CORIN: variants seen among roughly 807,000 people sequenced by gnomAD.
CORIN encodes the protein corin, serine peptidase.
CORIN carries 117 observed loss-of-function variants against 125.3 expected under a neutral mutation model. The observed-to-expected ratio is 0.93, with a 90% CI of 0.80 to 1.09. The LOEUF is 1.09. CORIN is among the 50% of genes least tolerant of loss of function. The pLI is 0.00. For synonymous variants in CORIN, 450 were observed against 466.4 expected (o/e 0.96, Z 0.45); for missense variants, 1,253 against 1,306.7 (o/e 0.96, Z 0.63).
chr4:47,764,121 T>C (rs776758367), intron 3 of CORIN, among the ~76,000 whole-genome samples: 9 of 152,208 alleles, frequency 5.9e-5, no homozygotes, highest in Non-Finnish European at 7.3e-5. Flanking sequence ...TTAATTTAGG[T>C]ACATGAAAGA....
chr4:47,729,816 C>A lies in CORIN; in HGVS notation c.799+14586G>T, dbSNP rs542994059. On this transcript the variant is annotated intron_variant, in intron 5 of 21. Transcript: ENST00000273857. ...GCACACACACGGAGCGGCTGAATATCGGAACCAGCAGATCAGTGAAAACGG... is the reference window on the plus strand; with the variant it reads ...GCACACACACGGAGCGGCTGAATATAGGAACCAGCAGATCAGTGAAAACGG... Among the ~76,000 whole-genome samples, 20 of 152,218 alleles carry A rather than the reference C, an allele frequency of 1.3e-4. 1 individual carries two copies. The South Asian group carries it at 2.5e-3, about 19-fold the overall frequency.
At position 47,806,751 on chromosome 4, in the gene CORIN, G is replaced by A. The variant is rs375907238; in HGVS notation, c.208+152C>T. ...AATAACCAGTAGAGTGGTTACAGTA[G>A]CTGAAACTGCAGATTTGCATAACGT... is the stretch of plus-strand genomic sequence containing the variant. On this transcript the variant is annotated intron_variant, in intron 2 of 21. Transcript: ENST00000273857. 3 of 696,610 alleles carry A rather than the reference G, an allele frequency of 4.3e-6. No homozygotes were observed. The South Asian group carries it at 7.6e-5, about 18-fold the overall frequency. 43.2% of individuals were successfully genotyped at this position (696,610 alleles called of 1,614,324 possible).
intron 2 of CORIN, among the ~76,000 whole-genome samples, chr4:47,803,871 C>T (rs1731653075): frequency 6.6e-6 from 1 of 152,078 alleles, no homozygotes; most frequent in Admixed American, 6.6e-5. Flanking sequence ...CATCAAGTTA[C>T]AAAGCTCCTG....
chr4:47,627,034 G>A (rs10029881), intron 16 of CORIN, among the ~76,000 whole-genome samples: 39,539 of 151,376 alleles, frequency 0.26, 5,377 homozygotes, highest in Admixed American at 0.35. Flanking sequence ...CCCAGGCTGG[G>A]GTACAGTGGT....
In CORIN at chr4:47,768,508, C is replaced by T. The variant is rs1019892539; in HGVS notation, c.410-4922G>A. Reference sequence around the variant, plus strand: ...GCATTGCCCTGATACCAAAGCCAGACAAGGACACTACAAGAGAAGAAAATT... The same window carrying T: ...GCATTGCCCTGATACCAAAGCCAGATAAGGACACTACAAGAGAAGAAAATT... On this transcript the variant is annotated intron_variant, in intron 3 of 21. Transcript: ENST00000273857. Among the ~76,000 whole-genome samples the T allele has an allele frequency of 2.2e-4, 33 of 152,132 alleles. 1 individual carries two copies. The highest frequency in any genetic ancestry group is 8.0e-4 in the African/African-American group (33 of 41,440).
intron 1 of CORIN, among the ~76,000 whole-genome samples, chr4:47,808,356 A>C (rs1268082721): frequency 1.3e-5 from 2 of 152,242 alleles, no homozygotes; most frequent in Non-Finnish European, 2.9e-5. Flanking sequence ...TAATATTCTC[A>C]GGACTTCCTG....
In CORIN at chr4:47,705,745, A is replaced by G. The variant is rs61762898; in HGVS notation, c.800-12662T>C. The stretch of plus-strand genomic sequence containing the variant: ...ATTTCAGCAAAAGGGAAAGAAATTT[A>G]TTAACTGCTTTGAAGCCAGTACCTT... On this transcript the variant is annotated intron_variant, in intron 5 of 21. Transcript: ENST00000273857. Among the ~76,000 whole-genome samples the G allele has an allele frequency of 5.4e-3, 825 of 152,326 alleles. 8 individuals are homozygous for G. Among genetic ancestry groups the G allele is most frequent in the African/African-American group, 0.019 (782 of 41,568 alleles).
chr4:47,827,799 A>C (rs1325875022), intron 1 of CORIN, among the ~76,000 whole-genome samples: 1 of 152,110 alleles, frequency 6.6e-6, no homozygotes, highest in Non-Finnish European at 1.5e-5. Context: ...CTTCCTCAGC[A>C]CCCAGAGGCA....
chr4:47,716,826 A>G (rs1162893998), intron 5 of CORIN, among the ~76,000 whole-genome samples: 1 of 152,116 alleles, frequency 6.6e-6, no homozygotes, highest in Non-Finnish European at 1.5e-5. Context: ...TAATGTTGAC[A>G]CTTTATAAAT....
intron 5 of CORIN, among the ~76,000 whole-genome samples, chr4:47,736,474 A>G (rs1728141740): frequency 6.6e-6 from 1 of 152,212 alleles, no homozygotes; most frequent in African/African-American, 2.4e-5. Flanking sequence ...CTATAGAACA[A>G]AGAGTCTACA....
chr4:47,620,168 A>C (rs76043836), intron 19 of CORIN, among the ~76,000 whole-genome samples: 2,482 of 152,310 alleles, frequency 0.016, 28 homozygotes, highest in Middle Eastern at 0.051. Context: ...CAAAACATGT[A>C]TCCATCTGTG....
intron 12 of CORIN, among the ~76,000 whole-genome samples, chr4:47,654,063 T>C (rs2109644908): frequency 6.6e-6 from 1 of 152,296 alleles, no homozygotes; most frequent in African/African-American, 2.4e-5. Flanking sequence ...GATCCTATGT[T>C]GCCATGGTCC....
At chr4:47,723,542 C>T (rs1046476553) in intron 5 of CORIN, among the ~76,000 whole-genome samples, 5 of 152,124 alleles carry the variant, frequency 3.3e-5, no homozygotes, top group Non-Finnish European at 7.4e-5. Flanking sequence ...CCTTAGAAGG[C>T]ATAATGTGAC....
intron 16 of CORIN, among the ~76,000 whole-genome samples, chr4:47,636,444 A>T (rs188688320): frequency 6.6e-6 from 1 of 152,320 alleles, no homozygotes; most frequent in Non-Finnish European, 1.5e-5. Context: ...TGAACATGCA[A>T]GTAGCAAAGT....
chr4:47,665,579 C>T (rs148836125), intron 10 of CORIN, among the ~76,000 whole-genome samples: 2 of 152,148 alleles, frequency 1.3e-5, no homozygotes, highest in Non-Finnish European at 2.9e-5. Flanking sequence ...CTTTTATTGA[C>T]TCCAATTCAT....
chr4:47,797,695 A>G (rs972878122), intron 2 of CORIN, among the ~76,000 whole-genome samples: 2 of 152,114 alleles, frequency 1.3e-5, no homozygotes, highest in Admixed American at 6.6e-5. Flanking sequence ...TAAAATAATT[A>G]TCTGATGATA....
intron 17 of CORIN, among the ~76,000 whole-genome samples, chr4:47,625,383 C>G (rs975892115): frequency 5.9e-5 from 9 of 151,776 alleles, no homozygotes; most frequent in Admixed American, 2.0e-4. Context: ...GTTAGTAAAC[C>G]AGGACTAGAA....
chr4:47,646,594 C>A (rs142659604), intron 13 of CORIN, among the ~76,000 whole-genome samples: 35 of 152,240 alleles, frequency 2.3e-4, no homozygotes, highest in South Asian at 2.3e-3. Flanking sequence ...CCGGCCAGGC[C>A]GTGAAGTACA....
chr4:47,735,151 C>T (rs1444492602), intron 5 of CORIN, among the ~76,000 whole-genome samples: 2 of 152,112 alleles, frequency 1.3e-5, no homozygotes, highest in African/African-American at 2.4e-5. Context: ...GGTTGGCATA[C>T]AATATATTCT....
Sources: allele counts gnomAD v4.1 joint callset (sites outside exome capture counted in the v4.1 genomes callset), GRCh38; gene constraint gnomAD v4.1.1; transcripts MANE v1.5; gene names NCBI Gene and HGNC (gene_info 2026-07-23, HGNC 2026-07-21).